The following PDPK1 variants were observed in gnomAD, a reference collection of about 807,000 sequenced individuals.
PDPK1 encodes the protein 3-phosphoinositide dependent protein kinase 1.
In PDPK1, 7 loss-of-function variants were observed where a neutral mutation model predicts 39.8. That is an observed-to-expected ratio of 0.18 (90% CI 0.10 to 0.33). The LOEUF is 0.33. Ranked by LOEUF, PDPK1 falls within the 10% of genes least tolerant of loss-of-function variation. The probability of loss-of-function intolerance (pLI) is 1.00; values close to 1 mark genes in which losing one functional copy is unlikely to be tolerated. For synonymous variants in PDPK1, 118 were observed against 159.1 expected, an observed-to-expected ratio of 0.74 and a Z score of 1.95; for missense variants, 182 against 384.7, an observed-to-expected ratio of 0.47 and a Z score of 4.41.
chr16:2,586,679 G>T lies in PDPK1; in HGVS notation c.1129G>T (p.Asp377Tyr). The change falls in exon 11 of 14, where the codon GAC (aspartate) becomes TAC (tyrosine). Residue 377 changes from aspartate to tyrosine, a missense_variant. By Grantham distance (160) the Asp-to-Tyr change is radical. Coordinates refer to ENST00000342085, the MANE Select transcript of PDPK1 (RefSeq NM_002613.5). ...CACTTTCCCTTCTTCTCTGCAGTATGACAATCTCCTGAGCCAGTTTGGCTG... is the reference window on the plus strand; with the variant it reads ...CACTTTCCCTTCTTCTCTGCAGTATTACAATCTCCTGAGCCAGTTTGGCTG... The part of the protein sequence containing the change: ...EDDEDCYGNY[D>Y]NLLSQFGCMQ... 6.2e-7 allele frequency: 1 copy of T among 1,614,014 alleles called. No individual in the cohort carries two copies. Among genetic ancestry groups the T allele is most frequent in the South Asian group, 1.1e-5 (1 of 91,024 alleles).
In PDPK1 at chr16:2,602,929, A is replaced by G. The variant is rs1205648393; in HGVS notation, c.*5162A>G. 3 of 232,500 alleles carry G rather than the reference A, an allele frequency of 1.3e-5. No homozygotes were observed. The highest frequency in any genetic ancestry group is 6.6e-5 in the African/African-American group (3 of 45,296). 14.4% of individuals were successfully genotyped at this position (232,500 alleles called of 1,614,324 possible). A position where few individuals can be genotyped will look rare whatever the true frequency, so the allele number is the denominator to read the frequency against. On this transcript the variant is annotated 3_prime_UTR_variant, in exon 14 of 14. Coordinates refer to ENST00000342085, the MANE Select transcript of PDPK1 (RefSeq NM_002613.5). ...TCTAATATATGAATTATTTGAATTGAATTCATGTTCGGGGCCACGTTGTTG... is the reference window on the plus strand; with the variant it reads ...TCTAATATATGAATTATTTGAATTGGATTCATGTTCGGGGCCACGTTGTTG...
chr16:2,595,966 C>T, intron 12 of PDPK1, 116 bp downstream of exon 12: 3 of 796,914 alleles, frequency 3.8e-6, no homozygotes, highest in Non-Finnish European at 6.6e-6. Flanking sequence ...TTTCATCAGA[C>T]ATCATCTCTA....
intron 1 of PDPK1, among the ~76,000 whole-genome samples, chr16:2,553,225 G>A (rs1334808716): frequency 2.8e-4 from 37 of 134,190 alleles, no homozygotes; most frequent in Non-Finnish European, 5.4e-4. Context: ...GCCCAGACTG[G>A]AGTACAGGGT....
intron 7 of PDPK1, among the ~76,000 whole-genome samples, chr16:2,578,173 C>G (rs1387803525): frequency 3.4e-5 from 5 of 147,582 alleles, no homozygotes; most frequent in Non-Finnish European, 7.4e-5. Flanking sequence ...GGCCACACAC[C>G]AGCTGCAGTG....
intron 1 of PDPK1, among the ~76,000 whole-genome samples, chr16:2,540,947 A>G (rs2066233705): frequency 6.6e-6 from 1 of 152,178 alleles, no homozygotes. Context: ...AGCAGGGAGC[A>G]TGGAGAGAAG....
rs1013813755 is a variant in PDPK1 at position 2,602,213 on chromosome 16, C to T, written c.*4446C>T. 4 of 234,332 alleles carry T rather than the reference C, an allele frequency of 1.7e-5. No homozygotes were observed. Among genetic ancestry groups the T allele is most frequent in the South Asian group, 1.8e-4 (1 of 5,526 alleles). The allele number at this position is 234,332 out of a possible 1,614,324, so 14.5% of individuals were successfully genotyped here. A position where few individuals can be genotyped will look rare whatever the true frequency, so the allele number is the denominator to read the frequency against. On this transcript the variant is annotated 3_prime_UTR_variant, in exon 14 of 14. Coordinates refer to ENST00000342085, the MANE Select transcript of PDPK1 (RefSeq NM_002613.5). ...CTATGTTGACTCACTGGGTGGGGGT[C>T]CCTTCTTACGCAGCACACGTGGCAA...
intron 11 of PDPK1, among the ~76,000 whole-genome samples, chr16:2,588,431 C>T (rs773865683): frequency 2.0e-5 from 3 of 152,156 alleles, no homozygotes; most frequent in Non-Finnish European, 4.4e-5. Context: ...ACTCCAAGTA[C>T]TTGGCCAGGA....
chr16:2,585,348 G>C (rs534231915), intron 10 of PDPK1, among the ~76,000 whole-genome samples: 2 of 152,322 alleles, frequency 1.3e-5, no homozygotes, highest in African/African-American at 4.8e-5. Context: ...GAGCTCCCAG[G>C]CCAGACCTCA....
chr16:2,596,479 C>G (rs2067105001), intron 12 of PDPK1, among the ~76,000 whole-genome samples: 1 of 152,256 alleles, frequency 6.6e-6, no homozygotes, highest in African/African-American at 2.4e-5. Context: ...CAGGCGTGAG[C>G]CACGGCGCCC....
intron 11 of PDPK1, among the ~76,000 whole-genome samples, chr16:2,588,567 T>C (rs905625379): frequency 3.9e-5 from 6 of 152,160 alleles, no homozygotes; most frequent in Non-Finnish European, 7.4e-5. Context: ...TTGGGGTCCG[T>C]CTGGGTACCT....
rs2067180780 is a variant in PDPK1 at position 2,599,858 on chromosome 16, G to C, written c.*2091G>C. 1 of 233,804 alleles carries C rather than the reference G, an allele frequency of 4.3e-6. No individual in the cohort carries two copies. The highest frequency in any genetic ancestry group is 2.2e-5 in the African/African-American group (1 of 45,388). 14.5% of individuals were successfully genotyped at this position (233,804 alleles called of 1,614,324 possible). On this transcript the variant is annotated 3_prime_UTR_variant, in exon 14 of 14. Transcript: ENST00000342085. ...ATTGGAGCACTCGGCTGGGCTGCTT[G>C]GGGAGACTCTTCCGTGCGTTCTTCC...
intron 1 of PDPK1, among the ~76,000 whole-genome samples, chr16:2,542,448 C>T (rs1469846250): frequency 6.6e-6 from 1 of 152,250 alleles, no homozygotes; most frequent in African/African-American, 2.4e-5. Context: ...CATGAGCCGC[C>T]GCACCCAGCC....
At position 2,598,536 on chromosome 16, in the gene PDPK1, G is replaced by C. The variant is rs745471795; in HGVS notation, c.*769G>C. 4.3e-6 allele frequency: 1 copy of C among 233,384 alleles called. No homozygotes were observed. The highest frequency in any genetic ancestry group is 1.8e-4 in the South Asian group (1 of 5,544). The allele number at this position is 233,384 out of a possible 1,614,324, so 14.5% of individuals were successfully genotyped here. A position where few individuals can be genotyped will look rare whatever the true frequency, so the allele number is the denominator to read the frequency against. ...GTTGGTCTCTGGGGCTGGAAGCCGAGCGCATGCTGGGAGCGGTACTGTCAG... is the reference window on the plus strand; with the variant it reads ...GTTGGTCTCTGGGGCTGGAAGCCGACCGCATGCTGGGAGCGGTACTGTCAG... On this transcript the variant is annotated 3_prime_UTR_variant, in exon 14 of 14. Transcript: ENST00000342085.
At position 2,553,183 on chromosome 16, in the gene PDPK1, GAAAAA is replaced by G. The variant is rs1318107489; in HGVS notation, c.25-4515_25-4511del. Among the ~76,000 whole-genome samples the G allele has an allele frequency of 1.2e-4, 15 of 128,626 alleles. 1 individual carries two copies. The highest frequency in any genetic ancestry group is 2.4e-4 in the Non-Finnish European group (15 of 63,024). 84.4% of individuals were successfully genotyped at this position (128,626 alleles called of 152,430 possible). On this transcript the variant is annotated intron_variant, in intron 1 of 13. Coordinates refer to ENST00000342085, the MANE Select transcript of PDPK1 (RefSeq NM_002613.5). ...AGCTTTTTTTTTTAAAAAAAAAAAA[GAAAAA>G]AAAAGAAAAGAGAGCCTTGCTCTGT...
chr16:2,597,749 G>C lies in PDPK1; in HGVS notation c.1653G>C (p.Pro551=). Residue 551 remains proline (P), a synonymous_variant, in exon 14 of 14, where the codon CCG becomes CCC. Coordinates refer to ENST00000342085, the MANE Select transcript of PDPK1 (RefSeq NM_002613.5). This position sits in a 1 kb window ranked among gnomAD's most constrained non-coding sequence, Gnocchi z 6.3. Reference sequence around the variant, plus strand: ...GGAGGCAGCGATACCAGAGCCACCCGGACGCCGCTGTGCAGTGACGTGGCC... The same window carrying C: ...GGAGGCAGCGATACCAGAGCCACCCCGACGCCGCTGTGCAGTGACGTGGCC... ...EVWRQRYQSH[P]DAAVQ is the part of the protein sequence containing the mutation. 6.2e-7 allele frequency: 1 copy of C among 1,611,910 alleles called. No individual in the cohort carries two copies.
chr16:2,584,253 CT>C (rs2066816901), intron 10 of PDPK1, among the ~76,000 whole-genome samples: 1 of 86,368 alleles, frequency 1.2e-5, no homozygotes, highest in African/African-American at 3.6e-5. Context: ...CCGTGACCCC[CT>C]CGTACTTAAG....
At chr16:2,592,749 G>C (rs1475810454) in intron 11 of PDPK1, 3 of 454,484 alleles carry the variant, frequency 6.6e-6, no homozygotes, top group Admixed American at 4.7e-5. Flanking sequence ...GCTGGCAGGT[G>C]AATCCGCTGC....
chr16:2,599,783 C>T lies in PDPK1; in HGVS notation c.*2016C>T. On this transcript the variant is annotated 3_prime_UTR_variant, in exon 14 of 14. Coordinates refer to ENST00000342085, the MANE Select transcript of PDPK1 (RefSeq NM_002613.5). ...GTAGGAGAGTGGCTCTCTCAGATCTCTCAGGGCGTCTGGTTATAGGGAAAC... is the reference window on the plus strand; with the variant it reads ...GTAGGAGAGTGGCTCTCTCAGATCTTTCAGGGCGTCTGGTTATAGGGAAAC... 1 of 233,758 alleles carries T rather than the reference C, an allele frequency of 4.3e-6. No individual in the cohort carries two copies. The highest frequency in any genetic ancestry group is 8.4e-6 in the Non-Finnish European group (1 of 118,352). The allele number at this position is 233,758 out of a possible 1,614,324, so 14.5% of individuals were successfully genotyped here.
intron 10 of PDPK1, among the ~76,000 whole-genome samples, chr16:2,584,840 A>C (rs776805143): frequency 4.6e-5 from 7 of 152,116 alleles, no homozygotes; most frequent in Non-Finnish European, 1.0e-4. Flanking sequence ...TGATGTGGCC[A>C]CCTGCAGCTT....
Sources: gnomAD v4.1 joint callset for allele counts (sites outside exome capture counted in the v4.1 genomes callset) on GRCh38, gnomAD v4.1.1 for gene constraint, Gnocchi (gnomAD v3.1) non-coding constraint, MANE v1.5 for transcripts, NCBI Gene and HGNC (gene_info 2026-07-23, HGNC 2026-07-21) for gene names.